The following ADK variants were observed in gnomAD, a reference collection of about 807,000 sequenced individuals.
The protein encoded by ADK is N6,N6-dimethyladenosine kinase.
A neutral mutation model predicts 44.7 loss-of-function variants in ADK; 24 were observed. The ratio of observed to expected loss-of-function variants is 0.54; its 90% confidence interval spans 0.39 to 0.76. ADK has a LOEUF of 0.76. Among genes scored for constraint, ADK ranks in the 30% least tolerant of loss-of-function variants. The pLI is 0.00. For synonymous variants in ADK, 128 were observed against 142.6 expected, an observed-to-expected ratio of 0.90 and a Z score of 0.73; for missense variants, 321 against 425.1, an observed-to-expected ratio of 0.76 and a Z score of 2.15.
At chr10:74,487,739 A>G (rs1449247519) in intron 6 of ADK, among the ~76,000 whole-genome samples, 7 of 152,040 alleles carry the variant, frequency 4.6e-5, no homozygotes, top group Admixed American at 2.0e-4. Flanking sequence ...GGAAGACATC[A>G]CAGTATTGTA....
At chr10:74,325,882 GTC>G (rs957448497) in intron 4 of ADK, among the ~76,000 whole-genome samples, 1 of 151,584 alleles carries the variant, frequency 6.6e-6, no homozygotes, top group African/African-American at 2.4e-5. Flanking sequence ...TTAAGACAGA[GTC>G]TCTCTCTGTC....
chr10:74,235,838 C>T (rs1264870981), intron 3 of ADK, among the ~76,000 whole-genome samples: 12 of 152,106 alleles, frequency 7.9e-5, no homozygotes, highest in Non-Finnish European at 1.8e-4. Flanking sequence ...TGGGGCTCTA[C>T]CTTCATGAGT....
chr10:74,376,467 C>G (rs190147925), intron 4 of ADK, among the ~76,000 whole-genome samples: 318 of 152,204 alleles, frequency 2.1e-3, no homozygotes, highest in Admixed American at 3.6e-3. Flanking sequence ...TATTCTCTAT[C>G]TAGCTTCAGT....
intron 9 of ADK, among the ~76,000 whole-genome samples, chr10:74,658,385 A>G (rs966799646): frequency 2.6e-5 from 4 of 152,282 alleles, no homozygotes; most frequent in Admixed American, 2.0e-4. Flanking sequence ...TAGACAGTCC[A>G]TAGATGGTCA....
At chr10:74,566,618 A>T (rs936461392) in intron 7 of ADK, among the ~76,000 whole-genome samples, 2 of 152,228 alleles carry the variant, frequency 1.3e-5, no homozygotes, top group African/African-American at 4.8e-5. Context: ...ATTTGTGCTT[A>T]AACATAGTAA....
chr10:74,243,861 A>T (rs994492882), intron 3 of ADK, among the ~76,000 whole-genome samples: 6 of 152,048 alleles, frequency 3.9e-5, no homozygotes, highest in Non-Finnish European at 7.4e-5. Context: ...CTCAAAAAAA[A>T]TTTTTTTTAA....
At chr10:74,372,570 C>T (rs936336222) in intron 4 of ADK, among the ~76,000 whole-genome samples, 2 of 150,744 alleles carry the variant, frequency 1.3e-5, no homozygotes, top group Non-Finnish European at 3.0e-5. Context: ...TATTAATGGG[C>T]AAATTGAAAA....
chr10:74,616,002 C>T (rs112819907), intron 9 of ADK, among the ~76,000 whole-genome samples: 3 of 152,146 alleles, frequency 2.0e-5, no homozygotes, highest in Admixed American at 6.5e-5. Flanking sequence ...AGCCATCGTG[C>T]CTGGCCTTGC....
chr10:74,367,013 T>C (rs1267126379), intron 4 of ADK, among the ~76,000 whole-genome samples: 1 of 152,210 alleles, frequency 6.6e-6, no homozygotes, highest in Non-Finnish European at 1.5e-5. Context: ...TTGGAGCATT[T>C]TAAGAAGCGC....
chr10:74,622,624 G>A (rs2134032810), intron 9 of ADK, among the ~76,000 whole-genome samples: 1 of 152,222 alleles, frequency 6.6e-6, no homozygotes, highest in Non-Finnish European at 1.5e-5. Context: ...TGTGACTTAG[G>A]AATACTGTTC....
chr10:74,520,421 C>A (rs1325154181), intron 6 of ADK, among the ~76,000 whole-genome samples: 1 of 151,296 alleles, frequency 6.6e-6, no homozygotes. Context: ...CTTATACTTC[C>A]AAGAGTTATA....
chr10:74,685,913 A>G (rs1421582195), intron 10 of ADK, among the ~76,000 whole-genome samples: 1 of 151,964 alleles, frequency 6.6e-6, no homozygotes, highest in African/African-American at 2.4e-5. Context: ...GGAAGATATT[A>G]TAACAGTGGT....
chr10:74,261,874 GCCCTTATAGT>G (rs1420631317), intron 3 of ADK, among the ~76,000 whole-genome samples: 4 of 151,616 alleles, frequency 2.6e-5, no homozygotes, highest in Admixed American at 2.0e-4. Context: ...CATGTAATGG[GCCCTTATAGT>G]CCAGAGACTT....
At chr10:74,338,877 A>T (rs901613224) in intron 4 of ADK, among the ~76,000 whole-genome samples, 15 of 152,198 alleles carry the variant, frequency 9.9e-5, no homozygotes, top group African/African-American at 3.6e-4. Flanking sequence ...GAATCTTTAC[A>T]GCTGATAAGA....
intron 3 of ADK, among the ~76,000 whole-genome samples, chr10:74,304,653 A>G (rs1337749006): frequency 6.6e-6 from 1 of 152,206 alleles, no homozygotes; most frequent in Admixed American, 6.5e-5. Flanking sequence ...ATCAATGTTT[A>G]ATTATTTTAA....
At chr10:74,693,313 T>A (rs1856057960) in intron 10 of ADK, among the ~76,000 whole-genome samples, 1 of 152,196 alleles carries the variant, frequency 6.6e-6, no homozygotes, top group African/African-American at 2.4e-5. Flanking sequence ...AACCTAAAAC[T>A]GCCCAAAAAT....
chr10:74,279,868 A>T (rs752149508), intron 3 of ADK, among the ~76,000 whole-genome samples: 2 of 151,986 alleles, frequency 1.3e-5, no homozygotes, highest in African/African-American at 4.8e-5. Flanking sequence ...CCCGTCTCTA[A>T]AAAAGAAAAA....
At chr10:74,226,764 A>C (rs1167282581) in intron 3 of ADK, among the ~76,000 whole-genome samples, 1 of 152,024 alleles carries the variant, frequency 6.6e-6, no homozygotes, top group Non-Finnish European at 1.5e-5. Context: ...GTTGTTGCAT[A>C]TATCAGTTAA....
At chr10:74,347,976 G>T (rs1001281999) in intron 4 of ADK, among the ~76,000 whole-genome samples, 6 of 152,188 alleles carry the variant, frequency 3.9e-5, no homozygotes, top group African/African-American at 1.4e-4. Context: ...GGAAGGGGCG[G>T]CTGTGGGCGC....
Sources: gnomAD v4.1 joint callset for allele counts (sites outside exome capture counted in the v4.1 genomes callset) on GRCh38, gnomAD v4.1.1 for gene constraint, MANE v1.5 for transcripts, NCBI Gene and HGNC (gene_info 2026-07-23, HGNC 2026-07-21) for gene names.